ASIC2: variants seen among roughly 807,000 people sequenced by gnomAD.
ASIC2 encodes the protein acid sensing ion channel subunit 2.
In ASIC2, 25 loss-of-function variants were observed where a neutral mutation model predicts 57.3. The ratio of observed to expected loss-of-function variants is 0.44; its 90% CI spans 0.32 to 0.61. The LOEUF (loss-of-function observed/expected upper bound fraction) is 0.61. Among genes scored for constraint, ASIC2 ranks in the 20% least tolerant of loss-of-function variants. ASIC2 has a pLI of 0.06. For synonymous variants in ASIC2, 319 were observed against 307.5 expected (o/e 1.04, Z -0.39); for missense variants, 641 against 738.1 (o/e 0.87, Z 1.52).
intron 1 of ASIC2, among the ~76,000 whole-genome samples, chr17:33,626,858 C>T (rs759889785): frequency 2.0e-5 from 3 of 152,196 alleles, no homozygotes; most frequent in Non-Finnish European, 2.9e-5. Flanking sequence ...TGCCCTTCCT[C>T]TGCCCTATGA....
chr17:33,787,679 A>G (rs985693258), intron 1 of ASIC2, among the ~76,000 whole-genome samples: 3 of 152,198 alleles, frequency 2.0e-5, no homozygotes, highest in Non-Finnish European at 4.4e-5. Context: ...TCACTGTTGT[A>G]TCAGTAGTTT....
chr17:33,654,067 T>C (rs1907004768), intron 1 of ASIC2, among the ~76,000 whole-genome samples: 2 of 152,238 alleles, frequency 1.3e-5, no homozygotes, highest in Non-Finnish European at 1.5e-5. Context: ...ACATACTCAG[T>C]GAACCTCATT....
At position 33,088,989 on chromosome 17, in the gene ASIC2, C is replaced by T; in HGVS notation, c.861G>A (p.Glu287=). The part of the protein sequence containing the change: ...DEYLPIWGET[E]ETTFEAGVKV... Reference sequence around the variant, plus strand: ...TCACTCCTGCTTCAAATGTCGTTTCCTCTGAAAGAACAAAGATGGACAGAG... The same window carrying T: ...TCACTCCTGCTTCAAATGTCGTTTCTTCTGAAAGAACAAAGATGGACAGAG... The change falls in exon 3 of 10, where the codon GAG becomes GAA. Residue 287 remains glutamate (E), a splice_region_variant and synonymous_variant. Coordinates refer to ENST00000225823, the MANE Select transcript of ASIC2 (RefSeq NM_183377.2). The T allele has an allele frequency of 6.2e-7, 1 of 1,613,994 alleles. No individual in the cohort carries two copies. The highest frequency in any genetic ancestry group is 8.5e-7 in the Non-Finnish European group (1 of 1,179,916).
intron 1 of ASIC2, among the ~76,000 whole-genome samples, chr17:33,946,373 C>T (rs1184213196): frequency 6.6e-6 from 1 of 152,122 alleles, no homozygotes; most frequent in Non-Finnish European, 1.5e-5. Context: ...AGCAAAAGTG[C>T]CAACATTTCT....
At chr17:33,228,987 A>C (rs1907988421) in intron 1 of ASIC2, among the ~76,000 whole-genome samples, 1 of 152,204 alleles carries the variant, frequency 6.6e-6, no homozygotes, top group Non-Finnish European at 1.5e-5. Context: ...AGGTACCCAG[A>C]TATGCTCAGC....
chr17:33,951,645 C>A lies in ASIC2; in HGVS notation c.555+204333G>T, dbSNP rs537259233. The stretch of plus-strand genomic sequence containing the variant: ...TCACCCAGGCTGGAGTACAGTGGCG[C>A]CATCTCGGCTCACTGCAACCTCCAC... On this transcript the variant is annotated intron_variant, in intron 1 of 9. Coordinates refer to the ASIC2 transcript ENST00000359872. Among the ~76,000 whole-genome samples, 207 of 151,850 alleles carry A rather than the reference C, an allele frequency of 1.4e-3. 2 individuals carry two copies. The highest frequency in any genetic ancestry group is 4.9e-3 in the African/African-American group (202 of 41,418).
intron 1 of ASIC2, among the ~76,000 whole-genome samples, chr17:33,578,712 G>C (rs1019420826): frequency 3.9e-5 from 6 of 152,088 alleles, no homozygotes; most frequent in Admixed American, 3.3e-4. Flanking sequence ...AACTGACCCG[G>C]CTTGACCTTG....
At chr17:33,676,575 G>T (rs768209093) in intron 1 of ASIC2, among the ~76,000 whole-genome samples, 4 of 152,206 alleles carry the variant, frequency 2.6e-5, no homozygotes, top group Non-Finnish European at 4.4e-5. Context: ...CCAGAGCAAG[G>T]CTCTAACCCA....
At chr17:33,660,538 G>A (rs1907224801) in intron 1 of ASIC2, among the ~76,000 whole-genome samples, 2 of 152,030 alleles carry the variant, frequency 1.3e-5, no homozygotes, top group African/African-American at 4.8e-5. Flanking sequence ...ATAAGTAGGA[G>A]TACACTCTAA....
At position 34,134,672 on chromosome 17, in the gene ASIC2, G is replaced by A. The variant is rs78030592; in HGVS notation, c.555+21306C>T. On this transcript the variant is annotated intron_variant, in intron 1 of 9. Coordinates refer to the ASIC2 transcript ENST00000359872. ...CAAGTTATGTGATTACTTTCTCAAT[G>A]CCAGTTTGCACCACATACTCCAGAA... Among the ~76,000 whole-genome samples the A allele has an allele frequency of 9.3e-3, 1,420 of 152,276 alleles. 18 individuals are homozygous for A. Among genetic ancestry groups the A allele is most frequent in the East Asian group, 0.058 (298 of 5,178 alleles).
chr17:33,899,345 T>C (rs2141952738), intron 1 of ASIC2, among the ~76,000 whole-genome samples: 1 of 152,236 alleles, frequency 6.6e-6, no homozygotes, highest in East Asian at 1.9e-4. Context: ...CTCAGGAGGA[T>C]GTGAGTACCA....
At chr17:33,245,476 G>A (rs527722923) in intron 1 of ASIC2, among the ~76,000 whole-genome samples, 1 of 152,282 alleles carries the variant, frequency 6.6e-6, no homozygotes, top group South Asian at 2.1e-4. Flanking sequence ...TGAGGGCTGA[G>A]CACACAAAGT....
chr17:33,926,226 C>T (rs1480582371), intron 1 of ASIC2, among the ~76,000 whole-genome samples: 1 of 152,122 alleles, frequency 6.6e-6, no homozygotes, highest in African/African-American at 2.4e-5. Context: ...ATGTTTTGAG[C>T]ACTGTACTAA....
chr17:33,685,167 G>A (rs1182405436), intron 1 of ASIC2, among the ~76,000 whole-genome samples: 3 of 152,284 alleles, frequency 2.0e-5, no homozygotes, highest in South Asian at 4.1e-4. Context: ...ATGGAGGTCA[G>A]ATTTCCCCCC....
At chr17:33,492,398 G>A (rs899681229) in intron 1 of ASIC2, among the ~76,000 whole-genome samples, 2 of 152,192 alleles carry the variant, frequency 1.3e-5, no homozygotes, top group South Asian at 2.1e-4. Context: ...TGAGCTCCAC[G>A]TCATGGAGAT....
intron 1 of ASIC2, among the ~76,000 whole-genome samples, chr17:33,842,240 G>C (rs1345087417): frequency 6.6e-6 from 1 of 152,136 alleles, no homozygotes; most frequent in Non-Finnish European, 1.5e-5. Flanking sequence ...AAAACTCAGG[G>C]CCTCAGTGCC....
intron 1 of ASIC2, among the ~76,000 whole-genome samples, chr17:34,102,403 T>C (rs1447004543): frequency 1.3e-5 from 2 of 152,106 alleles, no homozygotes; most frequent in Non-Finnish European, 2.9e-5. Context: ...CATGTATCTC[T>C]AGCCATATCA....
chr17:33,946,857 T>C (rs1007557755), intron 1 of ASIC2, among the ~76,000 whole-genome samples: 1 of 152,094 alleles, frequency 6.6e-6, no homozygotes, highest in Non-Finnish European at 1.5e-5. Flanking sequence ...AGATTTGAAC[T>C]AAGATTGGGG....
chr17:33,463,228 T>A (rs1435296921), intron 1 of ASIC2, among the ~76,000 whole-genome samples: 1 of 152,170 alleles, frequency 6.6e-6, no homozygotes, highest in Non-Finnish European at 1.5e-5. Flanking sequence ...CTTAAACCAA[T>A]GGAGTAGGTT....
Sources: allele counts gnomAD v4.1 joint callset (sites outside exome capture counted in the v4.1 genomes callset), GRCh38; gene constraint gnomAD v4.1.1; transcripts MANE v1.5; gene names NCBI Gene and HGNC (gene_info 2026-07-23, HGNC 2026-07-21).